Variants in TTLL5 observed in about 807,000 individuals in gnomAD.
TTLL5 encodes tubulin tyrosine ligase like 5.
Under a neutral mutation model 168.4 loss-of-function variants are expected in TTLL5, and 132 were observed. The observed-to-expected ratio is 0.78, with a 90% CI of 0.68 to 0.91. The LOEUF (loss-of-function observed/expected upper bound fraction) is 0.91, where lower values mean the gene tolerates loss of function less well. Ranked by LOEUF, TTLL5 falls within the 40% of genes least tolerant of loss-of-function variation. TTLL5 has a pLI of 0.00. For synonymous variants in TTLL5, 546 were observed against 558.6 expected (o/e 0.98, Z 0.32); for missense variants, 1,545 against 1,581.5 (o/e 0.98, Z 0.39).
chr14:75,775,399 T>C lies in TTLL5; in HGVS notation c.2137-85T>C. On this transcript the variant is annotated intron_variant, in intron 21 of 31. Transcript: ENST00000298832. ...TGTAATATATGTCTTCTTCCATCTC[T>C]GTTATATAATGCCTTCATAGCTTGT... is the stretch of plus-strand genomic sequence containing the variant. 3 of 1,459,992 alleles carry C rather than the reference T, an allele frequency of 2.1e-6. No homozygotes were observed. In the South Asian group the frequency reaches 3.8e-5, roughly 18 times the overall value. The allele number at this position is 1,459,992 out of a possible 1,614,324, so 90.4% of individuals were successfully genotyped here.
At position 75,745,516 on chromosome 14, in the gene TTLL5, G is replaced by A. The variant is rs145268057; in HGVS notation, c.1422G>A (p.Glu474=). The change falls in exon 17 of 32, where the codon GAG becomes GAA. Residue 474 remains glutamate, a synonymous_variant. Coordinates refer to ENST00000298832, the MANE Select transcript of TTLL5 (RefSeq NM_015072.5). ...TCAAAGTTTTACGAAGGGTGAAGGA[G>A]GAGAATGATCGGCGAGGTGGATTTA... ...EEIKVLRRVK[E]ENDRRGGFIR... is the part of the protein sequence containing the mutation. 162 of 1,613,814 alleles carry A rather than the reference G, an allele frequency of 1.0e-4. No individual in the cohort carries two copies. In the African/African-American group the frequency reaches 1.9e-3, roughly 19 times the overall value.
rs1177133612 is a variant in TTLL5, at chr14:75,902,122, C to G, written c.3741-20C>G. 6.2e-7 allele frequency: 1 copy of G among 1,613,870 alleles called. No individual in the cohort carries two copies. Among genetic ancestry groups the G allele is most frequent in the African/African-American group, 1.3e-5 (1 of 75,036 alleles). Reference sequence around the variant, plus strand: ...TCACCTTTCCGCCTGCAGGTCTGACCAAGCTCCTTTGTGTTTCAGAGGGTC... The same window carrying G: ...TCACCTTTCCGCCTGCAGGTCTGACGAAGCTCCTTTGTGTTTCAGAGGGTC... On this transcript the variant is annotated intron_variant, in intron 30 of 31. Coordinates refer to ENST00000298832, the MANE Select transcript of TTLL5 (RefSeq NM_015072.5).
intron 27 of TTLL5, among the ~76,000 whole-genome samples, chr14:75,812,287 A>C (rs1208898214): frequency 2.0e-5 from 3 of 152,152 alleles, no homozygotes; most frequent in African/African-American, 7.2e-5. Context: ...AGCAGGCCCC[A>C]AAGCTTAGGT....
intron 28 of TTLL5, among the ~76,000 whole-genome samples, chr14:75,847,947 C>A (rs1394271679): frequency 1.4e-5 from 2 of 143,528 alleles, no homozygotes; most frequent in East Asian, 4.0e-4. Flanking sequence ...TATAAGTATA[C>A]ATTTTCTTTT....
At chr14:75,932,157 A>G (rs928937529) in intron 31 of TTLL5, among the ~76,000 whole-genome samples, 3 of 152,202 alleles carry the variant, frequency 2.0e-5, no homozygotes, top group Non-Finnish European at 4.4e-5. Flanking sequence ...CTACTTCTGT[A>G]CTTCTTGTGT....
At chr14:75,748,281 TAAAAA>T (rs35811861) in intron 17 of TTLL5, among the ~76,000 whole-genome samples, 1 of 143,422 alleles carries the variant, frequency 7.0e-6, no homozygotes. Flanking sequence ...AACTTTTTCT[TAAAAA>T]AAAAAAAAAA....
chr14:75,838,607 T>G (rs1896019144), intron 28 of TTLL5: 1 of 151,798 alleles, frequency 6.6e-6, no homozygotes, highest in Non-Finnish European at 1.5e-5. Context: ...TCAAAGGTAG[T>G]CTTGGCACAG....
At chr14:75,860,597 C>G (rs1421342995) in intron 28 of TTLL5, among the ~76,000 whole-genome samples, 1 of 152,202 alleles carries the variant, frequency 6.6e-6, no homozygotes, top group Admixed American at 6.5e-5. Flanking sequence ...CAAAGCAGCA[C>G]CTGCCCTAAT....
intron 9 of TTLL5, among the ~76,000 whole-genome samples, chr14:75,716,947 A>G (rs1300045513): frequency 6.6e-6 from 1 of 151,986 alleles, no homozygotes; most frequent in Non-Finnish European, 1.5e-5. Flanking sequence ...CTGTGCCCAT[A>G]TTTATGCCGT....
At chr14:75,888,309 C>G (rs2032218562) in intron 30 of TTLL5, among the ~76,000 whole-genome samples, 1 of 152,198 alleles carries the variant, frequency 6.6e-6, no homozygotes, top group African/African-American at 2.4e-5. Context: ...AATGATGGGT[C>G]TTCCCTTGCT....
At chr14:75,694,542 C>T (rs1182587618) in intron 6 of TTLL5, among the ~76,000 whole-genome samples, 2 of 152,074 alleles carry the variant, frequency 1.3e-5, no homozygotes, top group Admixed American at 1.3e-4. Context: ...CCATGTTGGC[C>T]AGGCTAGTCT....
chr14:75,831,512 A>G (rs1895562324), intron 28 of TTLL5, among the ~76,000 whole-genome samples: 1 of 152,100 alleles, frequency 6.6e-6, no homozygotes, highest in Non-Finnish European at 1.5e-5. Context: ...TACTGCCCAC[A>G]GCCACCGCCA....
At chr14:75,777,796 T>C (rs1891803638) in intron 23 of TTLL5, among the ~76,000 whole-genome samples, 6 of 152,168 alleles carry the variant, frequency 3.9e-5, no homozygotes, top group Admixed American at 2.0e-4. Context: ...ATAATCTTTG[T>C]TTAATACCCT....
chr14:75,823,014 A>G (rs905246739), intron 28 of TTLL5, among the ~76,000 whole-genome samples: 27 of 152,312 alleles, frequency 1.8e-4, no homozygotes, highest in African/African-American at 6.5e-4. Flanking sequence ...ATTGCAGGCC[A>G]TTCTCCGGAA....
intron 29 of TTLL5, 64 bp downstream of exon 29, chr14:75,863,926 AAAAAAAAAG>A (rs1477751835): frequency 1.6e-6 from 2 of 1,257,814 alleles, no homozygotes; most frequent in African/African-American, 3.9e-5. Flanking sequence ...AAAAAAAAAA[AAAAAAAAAG>A]GTCAGTGAAT....
chr14:75,855,813 TACAC>T (rs1897099249), intron 28 of TTLL5, among the ~76,000 whole-genome samples: 2 of 152,162 alleles, frequency 1.3e-5, no homozygotes, highest in South Asian at 4.1e-4. Context: ...TTAAAACACA[TACAC>T]ACACATTCTT....
chr14:75,681,508 C>T (rs1201996622), intron 3 of TTLL5, 37 bp from the exon 4 acceptor site: 3 of 1,579,560 alleles, frequency 1.9e-6, no homozygotes, highest in Non-Finnish European at 2.6e-6. Context: ...TTACAGTTAA[C>T]TTTCTAGTTA....
chr14:75,939,812 A>T (rs886080253), intron 31 of TTLL5, among the ~76,000 whole-genome samples: 1 of 152,212 alleles, frequency 6.6e-6, no homozygotes, highest in East Asian at 1.9e-4. Context: ...AGGAGGAATG[A>T]GGCTGAATTT....
In TTLL5 at chr14:75,735,178, GCCCATTC is replaced by G. The variant is rs776899562; in HGVS notation, c.1187-9_1187-3del. 2 of 1,613,158 alleles carry G rather than the reference GCCCATTC, an allele frequency of 1.2e-6. No homozygotes were observed. The highest frequency in any genetic ancestry group is 1.3e-5 in the African/African-American group (1 of 74,934). On this transcript the variant is annotated splice_polypyrimidine_tract_variant and intron_variant, in intron 14 of 31. Coordinates refer to ENST00000298832, the MANE Select transcript of TTLL5 (RefSeq NM_015072.5). ...TTAGAAAATGGCAGGTTTTAATGTT[GCCCATTC>G]CCCATTCAGGATTTGTGTGCCAAGA...
Sources: gnomAD v4.1 joint callset for allele counts (sites outside exome capture counted in the v4.1 genomes callset) on GRCh38, gnomAD v4.1.1 for gene constraint, MANE v1.5 for transcripts, NCBI Gene and HGNC (gene_info 2026-07-23, HGNC 2026-07-21) for gene names.